The following NAALADL2 variants were observed in gnomAD, a reference collection of about 807,000 sequenced individuals.
NAALADL2 encodes inactive N-acetylated-alpha-linked acidic dipeptidase-like protein 2.
A neutral mutation model predicts 87.2 loss-of-function variants in NAALADL2; 76 were observed. The ratio of observed to expected loss-of-function variants is 0.87; its 90% confidence interval spans 0.72 to 1.05. The LOEUF (loss-of-function observed/expected upper bound fraction) is 1.05. NAALADL2 is among the 50% of genes least tolerant of loss of function. The probability of loss-of-function intolerance (pLI) is 0.00; values close to 1 mark genes in which losing one functional copy is unlikely to be tolerated. For missense variants in NAALADL2, 1,089 were observed against 945.8 expected, an observed-to-expected ratio of 1.15 and a Z score of -1.99; for synonymous variants, 354 against 331.0, an observed-to-expected ratio of 1.07 and a Z score of -0.75.
At chr3:175,214,180 A>G (rs928551987) in intron 2 of NAALADL2, among the ~76,000 whole-genome samples, 7 of 152,152 alleles carry the variant, frequency 4.6e-5, no homozygotes, top group Non-Finnish European at 1.0e-4. Flanking sequence ...TTATTATTGT[A>G]ATTTACATGA....
At chr3:175,573,728 C>T (rs1718434436) in intron 9 of NAALADL2, among the ~76,000 whole-genome samples, 1 of 152,104 alleles carries the variant, frequency 6.6e-6, no homozygotes, top group African/African-American at 2.4e-5. Flanking sequence ...ATAAAATCCC[C>T]AGGAGTCTTA....
intron 1 of NAALADL2, among the ~76,000 whole-genome samples, chr3:174,535,497 G>C (rs545951958): frequency 6.6e-6 from 1 of 152,138 alleles, no homozygotes; most frequent in East Asian, 1.9e-4. Flanking sequence ...ATTTGTTTTG[G>C]CTAAAGCAAA....
chr3:175,096,562 C>T (rs1199723286), intron 1 of NAALADL2, among the ~76,000 whole-genome samples: 3 of 150,814 alleles, frequency 2.0e-5, no homozygotes, highest in Non-Finnish European at 4.4e-5. Context: ...ATAGCTTTCC[C>T]ACTAAGTACC....
At chr3:175,274,008 A>G (rs1172802945) in intron 4 of NAALADL2, among the ~76,000 whole-genome samples, 1 of 152,196 alleles carries the variant, frequency 6.6e-6, no homozygotes, top group Non-Finnish European at 1.5e-5. Flanking sequence ...AATGTTTCAC[A>G]AAATATGAAT....
At chr3:175,021,004 A>G (rs915117567) in intron 1 of NAALADL2, among the ~76,000 whole-genome samples, 1 of 152,096 alleles carries the variant, frequency 6.6e-6, no homozygotes, top group African/African-American at 2.4e-5. Context: ...TGCTGACTAC[A>G]GAACATAAAA....
At position 174,645,753 on chromosome 3, in the gene NAALADL2, A is replaced by G. The variant is rs577950341; in HGVS notation, c.-114-91888A>G. ...TATCCACTTGACTAAGCATGTTTCA[A>G]CCATGTGTACTGTGACTGGAATGTG... On this transcript the variant is annotated intron_variant, in intron 2 of 3. Coordinates refer to the NAALADL2 transcript ENST00000434257. 3.3e-5 allele frequency among the ~76,000 whole-genome samples: 5 copies of G among 152,304 alleles called. No homozygotes were observed. In the East Asian group the frequency reaches 9.7e-4, roughly 29 times the overall value.
chr3:174,733,184 GT>G (rs1283327827), intron 2 of NAALADL2, among the ~76,000 whole-genome samples: 14 of 152,130 alleles, frequency 9.2e-5, no homozygotes, highest in Non-Finnish European at 1.5e-4. Context: ...TAATCATTAA[GT>G]TTCTTCTAGT....
intron 2 of NAALADL2, among the ~76,000 whole-genome samples, chr3:175,108,568 C>T (rs894653755): frequency 6.6e-6 from 1 of 151,822 alleles, no homozygotes; most frequent in African/African-American, 2.4e-5. Context: ...TTTCTTTGGT[C>T]GGTTTCATCA....
chr3:174,816,728 A>G (rs563280582), intron 3 of NAALADL2, among the ~76,000 whole-genome samples: 2 of 152,076 alleles, frequency 1.3e-5, no homozygotes, highest in South Asian at 4.2e-4. Context: ...ATTCTTAACT[A>G]CTATTTATTA....
chr3:174,616,728 A>G (rs1720497168), intron 2 of NAALADL2, among the ~76,000 whole-genome samples: 1 of 151,882 alleles, frequency 6.6e-6, no homozygotes. Context: ...AACAAAGCTG[A>G]TGCAGTAAGG....
At chr3:174,966,831 G>A (rs142507862) in intron 1 of NAALADL2, among the ~76,000 whole-genome samples, 2 of 152,292 alleles carry the variant, frequency 1.3e-5, no homozygotes, top group African/African-American at 4.8e-5. Context: ...AGTATTGATT[G>A]TAGGTATAGG....
intron 10 of NAALADL2, among the ~76,000 whole-genome samples, chr3:175,576,415 C>T (rs551578655): frequency 6.6e-6 from 1 of 152,334 alleles, no homozygotes. Context: ...CTGTCACTCA[C>T]ATTTTCACAC....
intron 5 of NAALADL2, among the ~76,000 whole-genome samples, chr3:175,423,169 G>A (rs1327330125): frequency 5.1e-4 from 3 of 5,914 alleles, no homozygotes; most frequent in Middle Eastern, 0.1. Context: ...AAGAAAGGGA[G>A]GGGGGGGTCT....
chr3:174,483,647 A>G (rs1717693633), intron 1 of NAALADL2, among the ~76,000 whole-genome samples: 2 of 152,102 alleles, frequency 1.3e-5, no homozygotes, highest in Admixed American at 1.3e-4. Context: ...TAACTTCCAG[A>G]TAACTAAGGA....
chr3:174,543,291 C>G (rs1383422262), intron 1 of NAALADL2, among the ~76,000 whole-genome samples: 1 of 152,010 alleles, frequency 6.6e-6, no homozygotes, highest in Non-Finnish European at 1.5e-5. Context: ...GGGTGTTATG[C>G]AGTAGATGAA....
At chr3:175,293,617 G>C (rs770049013) in intron 4 of NAALADL2, among the ~76,000 whole-genome samples, 4 of 152,084 alleles carry the variant, frequency 2.6e-5, no homozygotes, top group African/African-American at 4.8e-5. Flanking sequence ...GTCAGTTAGA[G>C]GGTTAAGTCC....
rs541371418 is a variant in NAALADL2 at position 174,647,705 on chromosome 3, T to C, written c.-114-89936T>C. On this transcript the variant is annotated intron_variant, in intron 2 of 3. Transcript: ENST00000434257. ...AGATCTAAATCCTCTTCTCTAGAAT[T>C]GACCCAGGATCTATAACCCTAAGGA... Among the ~76,000 whole-genome samples the C allele has an allele frequency of 2.0e-5, 3 of 152,226 alleles. No homozygotes were observed. The South Asian group carries it at 6.2e-4, about 32-fold the overall frequency.
intron 5 of NAALADL2, among the ~76,000 whole-genome samples, chr3:175,332,638 G>T (rs762898834): frequency 1.3e-5 from 2 of 152,164 alleles, no homozygotes; most frequent in Non-Finnish European, 2.9e-5. Context: ...TGAGACGTGT[G>T]TTGTGCCTTA....
intron 4 of NAALADL2, among the ~76,000 whole-genome samples, chr3:175,306,750 G>T (rs1346640456): frequency 6.6e-6 from 1 of 152,196 alleles, no homozygotes; most frequent in Non-Finnish European, 1.5e-5. Context: ...GGAGGCTGAG[G>T]CAGGAGGATC....
Sources: allele counts gnomAD v4.1 joint callset (sites outside exome capture counted in the v4.1 genomes callset), GRCh38; gene constraint gnomAD v4.1.1; transcripts MANE v1.5; gene names NCBI Gene and HGNC (gene_info 2026-07-23, HGNC 2026-07-21).